Variants in RPS6KA1 observed in about 807,000 individuals in gnomAD.
RPS6KA1 encodes ribosomal protein S6 kinase alpha-1.
In RPS6KA1, 48 loss-of-function variants were observed where a neutral mutation model predicts 91.3. The observed-to-expected ratio is 0.53, with a 90% CI of 0.42 to 0.67. RPS6KA1 has a LOEUF of 0.67. Among genes scored for constraint, RPS6KA1 ranks in the 30% least tolerant of loss-of-function variants. The pLI is 0.00. For missense variants in RPS6KA1, 719 were observed against 960.5 expected, an observed-to-expected ratio of 0.75 and a Z score of 3.32; for synonymous variants, 359 against 384.7, an observed-to-expected ratio of 0.93 and a Z score of 0.78.
intron 1 of RPS6KA1, among the ~76,000 whole-genome samples, chr1:26,531,843 C>G (rs576824540): frequency 6.6e-6 from 1 of 152,198 alleles, no homozygotes; most frequent in Admixed American, 6.5e-5. Context: ...CCCCCTCCCC[C>G]ACTCCTGGAG....
intron 11 of RPS6KA1, 126 bp from the exon 12 acceptor site, chr1:26,556,528 G>C: frequency 1.1e-6 from 1 of 925,892 alleles, no homozygotes; most frequent in Non-Finnish European, 1.7e-6. Context: ...ATTTGAGGCT[G>C]AGTGAGCCCA....
In RPS6KA1 at chr1:26,553,481, G is replaced by T; in HGVS notation, c.559G>T (p.Asp187Tyr). The T allele has an allele frequency of 6.2e-7, 1 of 1,610,874 alleles. No individual in the cohort carries two copies. Among genetic ancestry groups the T allele is most frequent in the South Asian group, 1.1e-5 (1 of 90,738 alleles). ...HLHSLGIIYR[D>Y]LKPENILLDE... The stretch of plus-strand genomic sequence containing the variant: ...GCACAGCCTGGGTATCATTTACAGA[G>T]ACCTCAAGCCTGAGAAGTGAGTGAA... The change falls in exon 7 of 22, where the codon GAC (aspartate) becomes TAC (tyrosine). Residue 187 changes from aspartate to tyrosine, a missense_variant. Asp to Tyr is a radical substitution (Grantham distance 160, BLOSUM62 -3). Transcript: ENST00000374168.
Position 26,554,634 on chromosome 1 carries a change from A to G in RPS6KA1, c.652A>G (p.Lys218Glu), listed in dbSNP as rs1557503034. ...LSKEAIDHEK[K>E]AYSFCGTVEY... The stretch of plus-strand genomic sequence containing the variant: ...CAAAGAGGCCATTGACCACGAGAAG[A>G]AGGCCTATTCTTTCTGCGGGACAGT... The change falls in exon 9 of 22, where the codon AAG becomes GAG. Residue 218 changes from lysine (K) to glutamate (E), a missense_variant. Lys to Glu is a moderately conservative substitution (Grantham distance 56). Coordinates refer to ENST00000374168, the MANE Select transcript of RPS6KA1 (RefSeq NM_002953.4). This position sits in a 1 kb window ranked among gnomAD's most constrained non-coding sequence, Gnocchi z 4.6. 1 of 1,613,692 alleles carries G rather than the reference A, an allele frequency of 6.2e-7. No homozygotes were observed. The highest frequency in any genetic ancestry group is 8.5e-7 in the Non-Finnish European group (1 of 1,179,726).
chr1:26,530,537 GGAC>G (rs2075860176), intron 1 of RPS6KA1, among the ~76,000 whole-genome samples: 1 of 152,210 alleles, frequency 6.6e-6, no homozygotes, highest in Non-Finnish European at 1.5e-5. Context: ...TAGGGCCAGA[GGAC>G]ACCTGTGTGC....
chr1:26,560,044 C>A (rs547563555), intron 14 of RPS6KA1, among the ~76,000 whole-genome samples: 68 of 152,200 alleles, frequency 4.5e-4, no homozygotes, highest in African/African-American at 1.5e-3. Flanking sequence ...TGGGCAACAG[C>A]GTAAGACTCT....
intron 2 of RPS6KA1, among the ~76,000 whole-genome samples, chr1:26,544,668 G>A (rs1380763798): frequency 6.6e-6 from 1 of 151,998 alleles, no homozygotes; most frequent in Non-Finnish European, 1.5e-5. Flanking sequence ...TAGAGACGGG[G>A]TTTCACCGTG....
intron 4 of RPS6KA1, among the ~76,000 whole-genome samples, chr1:26,550,180 A>AT (rs749615792): frequency 0.19 from 20,684 of 106,276 alleles, 2,791 homozygotes; most frequent in East Asian, 0.61. Context: ...CGCCTGGCCA[A>AT]TTTTTTTTTT....
chr1:26,556,835 C>T (rs1307129396), intron 12 of RPS6KA1, 117 bp downstream of exon 12: 18 of 1,314,126 alleles, frequency 1.4e-5, no homozygotes, highest in Non-Finnish European at 2.0e-5. Flanking sequence ...AGCAGAGGGT[C>T]ACAGCCTGCC....
intron 17 of RPS6KA1, among the ~76,000 whole-genome samples, chr1:26,567,658 C>T (rs886747432): frequency 6.6e-6 from 1 of 152,158 alleles, no homozygotes; most frequent in Non-Finnish European, 1.5e-5. Flanking sequence ...GGATTACAGG[C>T]ATGAGCCACC....
rs375802866 is a variant in RPS6KA1, at chr1:26,551,771, C to T, written c.468+48C>T. 112 of 1,495,134 alleles carry T rather than the reference C, an allele frequency of 7.5e-5. No individual in the cohort carries two copies. Among genetic ancestry groups the T allele is most frequent in the Admixed American group, 1.8e-4 (11 of 59,702 alleles). The allele number at this position is 1,495,134 out of a possible 1,614,324, so 92.6% of individuals were successfully genotyped here. ...AGGGCCCCGGGATGGAGCTGAGGGA[C>T]GACAAGTCCTCCCATCCCAGGGCCC... On this transcript the variant is annotated intron_variant, in intron 6 of 21. Coordinates refer to ENST00000374168, the MANE Select transcript of RPS6KA1 (RefSeq NM_002953.4). This position sits in a 1 kb window ranked among gnomAD's most constrained non-coding sequence, Gnocchi z 4.5.
In RPS6KA1 at chr1:26,554,271, C is replaced by T; in HGVS notation, c.613+20C>T. 1.3e-6 allele frequency: 2 copies of T among 1,555,540 alleles called. No homozygotes were observed. Among genetic ancestry groups the T allele is most frequent in the Non-Finnish European group, 1.7e-6 (2 of 1,149,012 alleles). ...TCACTGGTGAGTGGAGGGCGCCTGC[C>T]CCCTCGGGACCCAGGGGAGGACAGG... is the stretch of plus-strand genomic sequence containing the variant. On this transcript the variant is annotated intron_variant, in intron 8 of 21. Transcript: ENST00000374168. This position sits in a 1 kb window ranked among gnomAD's most constrained non-coding sequence, Gnocchi z 4.6.
rs372425892 is a variant in RPS6KA1, at chr1:26,572,125, C to G, written c.1830-51C>G. The G allele has an allele frequency of 2.1e-5, 31 of 1,503,600 alleles. 1 individual carries two copies. The highest frequency in any genetic ancestry group is 3.5e-4 in the Middle Eastern group (2 of 5,774). The allele number at this position is 1,503,600 out of a possible 1,614,324, so 93.1% of individuals were successfully genotyped here. On this transcript the variant is annotated intron_variant, in intron 19 of 21. Coordinates refer to ENST00000374168, the MANE Select transcript of RPS6KA1 (RefSeq NM_002953.4). ...CACAGTCTCCCACCGCAGCCCCAGC[C>G]CCAGTATGGAGGCCAGAGTCTGTAC...
At chr1:26,564,725 G>A (rs1025286222) in intron 17 of RPS6KA1, among the ~76,000 whole-genome samples, 1 of 152,112 alleles carries the variant, frequency 6.6e-6, no homozygotes, top group African/African-American at 2.4e-5. Flanking sequence ...GGGAAATTCT[G>A]TAAAAAAGAA....
In RPS6KA1 at chr1:26,558,924, A is replaced by G. The variant is rs1020251061; in HGVS notation, c.1202A>G (p.His401Arg). 9 of 1,612,142 alleles carry G rather than the reference A, an allele frequency of 5.6e-6. No individual in the cohort carries two copies. The African/African-American group carries it at 1.2e-4, about 22-fold the overall frequency. The change falls in exon 14 of 22, where the codon CAC becomes CGC. Residue 401 changes from histidine to arginine, a missense_variant. This residue lies in a region of RPS6KA1 where 228 missense variants were observed against 247.6 expected (regional missense o/e 0.92). Transcript: ENST00000374168. This position sits in a 1 kb window ranked among gnomAD's most constrained non-coding sequence, Gnocchi z 4.0. ...GKPRAPQAPL[H>R]SVVQQLHGKN... ...CCTCGTGCCCCGCAGGCACCCCTGC[A>G]CTCGGTGGTACAGGTGAGGGGGGCA...
At chr1:26,569,612 A>G (rs951101099) in intron 17 of RPS6KA1, among the ~76,000 whole-genome samples, 2 of 152,218 alleles carry the variant, frequency 1.3e-5, no homozygotes, top group African/African-American at 2.4e-5. Context: ...TTGGAGATCA[A>G]CTGAGACTAT....
intron 2 of RPS6KA1, 40 bp downstream of exon 2, chr1:26,537,009 G>A: frequency 6.2e-7 from 1 of 1,610,910 alleles, no homozygotes. Context: ...GGGGCTGTGG[G>A]GGATCCTGTT....
At chr1:26,553,352 G>A (rs1166236691) in intron 6 of RPS6KA1, 39 bp from the exon 7 acceptor site, 3 of 1,415,050 alleles carry the variant, frequency 2.1e-6, no homozygotes, top group Non-Finnish European at 3.0e-6. Flanking sequence ...TCTTAAGGAA[G>A]AGGAGGTCCC....
rs1477610893 is a variant in RPS6KA1, at chr1:26,555,520, C to A, written c.828-17C>A. The A allele has an allele frequency of 1.3e-6, 2 of 1,570,554 alleles. No homozygotes were observed. The highest frequency in any genetic ancestry group is 1.8e-5 in the Admixed American group (1 of 54,622). On this transcript the variant is annotated splice_polypyrimidine_tract_variant and intron_variant, in intron 10 of 21. Coordinates refer to ENST00000374168, the MANE Select transcript of RPS6KA1 (RefSeq NM_002953.4). This position sits in a 1 kb window ranked among gnomAD's most constrained non-coding sequence, Gnocchi z 4.3. ...GGGGCAGGGCTCAGCCTTGATGAGT[C>A]CCGGGGGCTGTTTCAGGGCGAAGCT...
Position 26,561,257 on chromosome 1 carries a change from T to C in RPS6KA1, c.1431+123T>C, listed in dbSNP as rs1026905510. The C allele has an allele frequency of 6.1e-6, 6 of 987,634 alleles. No individual in the cohort carries two copies. The Admixed American group carries it at 1.3e-4, about 21-fold the overall frequency. 61.2% of individuals were successfully genotyped at this position (987,634 alleles called of 1,614,324 possible). A position where few individuals can be genotyped will look rare whatever the true frequency, so the allele number is the denominator to read the frequency against. ...AGTGGTCATGTGGAGGGGAAGGAGGTCCCTTGGTCCCTTCAGTCTGCCCAT... is the reference window on the plus strand; with the variant it reads ...AGTGGTCATGTGGAGGGGAAGGAGGCCCCTTGGTCCCTTCAGTCTGCCCAT... On this transcript the variant is annotated intron_variant, in intron 16 of 21. Transcript: ENST00000374168. This position sits in a 1 kb window ranked among gnomAD's most constrained non-coding sequence, Gnocchi z 5.7.
Sources: gnomAD v4.1 joint callset for allele counts (sites outside exome capture counted in the v4.1 genomes callset) on GRCh38, gnomAD v4.1.1 for gene constraint, gnomAD v4.1.1 regional missense constraint, Gnocchi (gnomAD v3.1) non-coding constraint, MANE v1.5 for transcripts, NCBI Gene and HGNC (gene_info 2026-07-23, HGNC 2026-07-21) for gene names.